The following ATE1 variants were observed in gnomAD, a reference collection of about 807,000 sequenced individuals.
The protein encoded by ATE1 is arginyl-tRNA--protein transferase 1.
A neutral mutation model predicts 70.5 loss-of-function variants in ATE1; 36 were observed. The ratio of observed to expected loss-of-function variants is 0.51; its 90% confidence interval spans 0.39 to 0.67. The LOEUF is 0.67. ATE1 is among the 30% of genes least tolerant of loss of function. ATE1 has a pLI of 0.00. For synonymous variants in ATE1, 232 were observed against 219.3 expected (o/e 1.06, Z -0.51); for missense variants, 593 against 629.5 (o/e 0.94, Z 0.62).
intron 2 of ATE1, among the ~76,000 whole-genome samples, chr10:121,923,088 C>A (rs936300504): frequency 6.6e-6 from 1 of 152,210 alleles, no homozygotes; most frequent in Non-Finnish European, 1.5e-5. Context: ...GACCCCCCCT[C>A]AAATACCTCT....
At chr10:121,788,126 G>A (rs1946288682) in intron 11 of ATE1, among the ~76,000 whole-genome samples, 1 of 152,090 alleles carries the variant, frequency 6.6e-6, no homozygotes, top group Admixed American at 6.5e-5. Context: ...AAGCTAGAGG[G>A]GAAATTTCTT....
Position 121,754,423 on chromosome 10 carries a change from A to G in ATE1, c.1379-10565T>C, listed in dbSNP as rs541474831. 6.6e-5 allele frequency among the ~76,000 whole-genome samples: 10 copies of G among 152,334 alleles called. No homozygotes were observed. In the East Asian group the frequency reaches 1.9e-3, roughly 29 times the overall value. On this transcript the variant is annotated intron_variant, in intron 11 of 11. Coordinates refer to ENST00000224652, the MANE Select transcript of ATE1 (RefSeq NM_001001976.3). ...AAAAGAAAACATGAGTCACCCTGAA[A>G]AGGCTCCTACTGGCCAAATCTGAGA...
chr10:121,878,040 T>C (rs1950110503), intron 7 of ATE1, among the ~76,000 whole-genome samples: 1 of 152,230 alleles, frequency 6.6e-6, no homozygotes, highest in South Asian at 2.1e-4. Context: ...AATGGAATAC[T>C]ACATAGCATT....
At chr10:121,835,236 A>T (rs1948389450) in intron 10 of ATE1, among the ~76,000 whole-genome samples, 1 of 152,112 alleles carries the variant, frequency 6.6e-6, no homozygotes, top group Non-Finnish European at 1.5e-5. Flanking sequence ...TGAGCTCAAA[A>T]GAAAATCTCC....
intron 11 of ATE1, among the ~76,000 whole-genome samples, chr10:121,769,298 G>A (rs1251536114): frequency 1.3e-5 from 2 of 152,046 alleles, no homozygotes; most frequent in African/African-American, 4.8e-5. Context: ...TGAAGGAAGA[G>A]GAGCTTTTCC....
At chr10:121,850,196 G>A (rs1469984584) in intron 8 of ATE1, among the ~76,000 whole-genome samples, 6 of 152,160 alleles carry the variant, frequency 3.9e-5, no homozygotes, top group Non-Finnish European at 7.3e-5. Context: ...TAAGCATTTC[G>A]TTATATGTCC....
At chr10:121,862,107 T>A (rs1480049617) in intron 8 of ATE1, among the ~76,000 whole-genome samples, 1 of 152,316 alleles carries the variant, frequency 6.6e-6, no homozygotes, top group South Asian at 2.1e-4. Context: ...CCTAGCCTTA[T>A]CTCCACTGCT....
chr10:121,903,032 A>AT (rs1233486032), intron 5 of ATE1, among the ~76,000 whole-genome samples: 5 of 144,932 alleles, frequency 3.4e-5, no homozygotes, highest in Non-Finnish European at 6.1e-5. Flanking sequence ...TGCCTGGCTA[A>AT]TTTTTGTATT....
At chr10:121,892,235 A>G (rs1950603747) in intron 7 of ATE1, among the ~76,000 whole-genome samples, 1 of 148,238 alleles carries the variant, frequency 6.7e-6, no homozygotes, top group Admixed American at 6.7e-5. Context: ...GGATGAAAAC[A>G]CGACCGGTGA....
At chr10:121,922,440 T>C in intron 2 of ATE1, 29 bp from the exon 3 acceptor site, 2 of 1,435,480 alleles carry the variant, frequency 1.4e-6, no homozygotes, top group Non-Finnish European at 1.9e-6. Flanking sequence ...TTTGTTAATG[T>C]CTTATATATT....
At chr10:121,837,649 G>A (rs1005425813) in intron 9 of ATE1, among the ~76,000 whole-genome samples, 2 of 152,118 alleles carry the variant, frequency 1.3e-5, no homozygotes, top group Admixed American at 6.6e-5. Context: ...TATTTGTAAT[G>A]CAATATTCTG....
rs10584053 is a variant in ATE1, at chr10:121,791,096, AT to A, written c.1258-808del. Among the ~76,000 whole-genome samples the A allele has an allele frequency of 4.3e-3, 405 of 94,334 alleles. 2 individuals are homozygous for A. The highest frequency in any genetic ancestry group is 0.011 in the African/African-American group (225 of 19,990). The allele number at this position is 94,334 out of a possible 152,430, so 61.9% of individuals were successfully genotyped here. ...TGTGTGTGTGTGTGTGTGTATATAT[AT>A]TTTTTTTTTTTTTTGAGATAGATTC... On this transcript the variant is annotated intron_variant, in intron 10 of 11. Transcript: ENST00000224652.
intron 10 of ATE1, among the ~76,000 whole-genome samples, chr10:121,790,848 G>A (rs1477524108): frequency 6.6e-6 from 1 of 151,846 alleles, no homozygotes. Context: ...ATAAAGAGAA[G>A]TTTAAGAAAC....
chr10:121,775,469 A>G (rs1042916839), intron 11 of ATE1, among the ~76,000 whole-genome samples: 2 of 152,166 alleles, frequency 1.3e-5, no homozygotes, highest in Non-Finnish European at 2.9e-5. Flanking sequence ...CCGGAACTTA[A>G]AGTTAAAAAA....
At chr10:121,919,257 T>C (rs901227802) in intron 3 of ATE1, among the ~76,000 whole-genome samples, 2 of 152,058 alleles carry the variant, frequency 1.3e-5, no homozygotes, top group African/African-American at 4.8e-5. Flanking sequence ...GCTTCATTCT[T>C]GAAGTGAGCG....
chr10:121,864,339 A>G (rs1002845848), intron 8 of ATE1, among the ~76,000 whole-genome samples: 5 of 152,184 alleles, frequency 3.3e-5, no homozygotes, highest in Non-Finnish European at 7.4e-5. Flanking sequence ...GCAGTTCACA[A>G]TGGGGTTCAT....
At chr10:121,796,380 G>T (rs1946659742) in intron 10 of ATE1, among the ~76,000 whole-genome samples, 1 of 152,144 alleles carries the variant, frequency 6.6e-6, no homozygotes, top group Non-Finnish European at 1.5e-5. Flanking sequence ...TCATCACTCA[G>T]TTCAAAGCCG....
chr10:121,743,798 A>G lies in ATE1; in HGVS notation c.1439T>C (p.Met480Thr). 1 of 1,613,958 alleles carries G rather than the reference A, an allele frequency of 6.2e-7. No homozygotes were observed. ...CTGTTTCTTATAAACACCGTAAGGC[A>G]TGATGGCTCTCTTGTGAAACACCTG... ...RLQVFHKRAI[M>T]PYGVYKKQQK... Residue 480 changes from methionine to threonine, a missense_variant, in exon 12 of 12, where the codon ATG (methionine) becomes ACG (threonine). By Grantham distance (81) the Met-to-Thr change is moderately conservative. Around this residue, in one of 3 missense-constraint regions of ATE1, gnomAD observed 90 missense variants for 93.7 expected, o/e 0.96. Transcript: ENST00000224652.
chr10:121,827,379 C>A (rs895292446), intron 10 of ATE1, among the ~76,000 whole-genome samples: 2 of 152,030 alleles, frequency 1.3e-5, no homozygotes, highest in Non-Finnish European at 2.9e-5. Context: ...TGCTGATGGC[C>A]CGCAATTCCT....
Sources: allele counts gnomAD v4.1 joint callset (sites outside exome capture counted in the v4.1 genomes callset), GRCh38; gene constraint gnomAD v4.1.1; regional missense constraint gnomAD v4.1.1; transcripts MANE v1.5; gene names NCBI Gene and HGNC (gene_info 2026-07-23, HGNC 2026-07-21).